EYA1: variants seen among roughly 807,000 people sequenced by gnomAD.
EYA1 encodes protein phosphatase EYA1.
EYA1 carries 16 observed loss-of-function variants against 82.0 expected under a neutral mutation model. The observed-to-expected ratio is 0.20, with a 90% CI of 0.13 to 0.30. EYA1 has a LOEUF of 0.30. Ranked by LOEUF, EYA1 falls within the 10% of genes least tolerant of loss-of-function variation. The pLI, the probability that EYA1 is intolerant of heterozygous loss-of-function variation, is 1.00. For missense variants in EYA1, 633 were observed against 730.7 expected (o/e 0.87, Z 1.54); for synonymous variants, 261 against 264.4 (o/e 0.99, Z 0.12).
intron 17 of EYA1, among the ~76,000 whole-genome samples, chr8:71,202,574 T>C (rs1807182566): frequency 6.6e-6 from 1 of 152,122 alleles, no homozygotes; most frequent in Non-Finnish European, 1.5e-5. Flanking sequence ...CTTCCTGTAG[T>C]ATATTACAGA....
In EYA1 at chr8:71,197,605, T is replaced by G. The variant is rs1806397851; in HGVS notation, c.*1735A>C. On this transcript the variant is annotated 3_prime_UTR_variant, in exon 18 of 18. Coordinates refer to ENST00000340726, the MANE Select transcript of EYA1 (RefSeq NM_000503.6). Reference sequence around the variant, plus strand: ...AATGAAAAGGTTAAAAATTGTCAACTGTTTGCTTCAAGCAAAAAGGAAGAA... The same window carrying G: ...AATGAAAAGGTTAAAAATTGTCAACGGTTTGCTTCAAGCAAAAAGGAAGAA... The G allele has an allele frequency of 6.6e-6, 1 of 152,578 alleles. No homozygotes were observed. The highest frequency in any genetic ancestry group is 2.1e-4 in the South Asian group (1 of 4,830). The allele number at this position is 152,578 out of a possible 1,614,324, so 9.5% of individuals were successfully genotyped here. A position where few individuals can be genotyped will look rare whatever the true frequency, so the allele number is the denominator to read the frequency against.
At position 71,523,832 on chromosome 8, in the gene EYA1, G is replaced by T. The variant is rs377048352; in HGVS notation, c.33+11912C>A. Among the ~76,000 whole-genome samples the T allele has an allele frequency of 1.8e-4, 27 of 152,204 alleles. No individual in the cohort carries two copies. In the East Asian group the frequency reaches 2.7e-3, roughly 15 times the overall value. ...TAAGAAACATGTATATCAATTTTGA[G>T]ATACCATATTTTAGAAAATTATCCT... On this transcript the variant is annotated intron_variant, in intron 2 of 18. Transcript: ENST00000643681.
chr8:71,269,296 G>C (rs138072448), intron 11 of EYA1, among the ~76,000 whole-genome samples: 4 of 152,300 alleles, frequency 2.6e-5, no homozygotes, highest in East Asian at 3.9e-4. Context: ...GGGACATATA[G>C]AGACATTTGT....
At chr8:71,423,322 G>A (rs1369437575) in intron 2 of EYA1, among the ~76,000 whole-genome samples, 2 of 152,060 alleles carry the variant, frequency 1.3e-5, no homozygotes, top group Non-Finnish European at 2.9e-5. Flanking sequence ...CAACAACAAC[G>A]GTACACATAG....
intron 6 of EYA1, among the ~76,000 whole-genome samples, chr8:71,321,230 T>G (rs1457068730): frequency 1.3e-5 from 2 of 152,162 alleles, no homozygotes; most frequent in African/African-American, 4.8e-5. Context: ...CAAAGTACAC[T>G]CCAGGCAGTG....
chr8:71,323,657 AGCCGGCCC>A (rs1217937332), intron 4 of EYA1, among the ~76,000 whole-genome samples: 2 of 152,218 alleles, frequency 1.3e-5, no homozygotes, highest in African/African-American at 4.8e-5. Context: ...AGAGATGGCA[AGCCGGCCC>A]AGCTGGTATA....
rs1267888988 is a variant in EYA1, at chr8:71,441,065, A to G, written c.34-84554T>C. Among the ~76,000 whole-genome samples the G allele has an allele frequency of 2.0e-5, 3 of 152,170 alleles. No individual in the cohort carries two copies. In the South Asian group the frequency reaches 6.2e-4, roughly 32 times the overall value. On this transcript the variant is annotated intron_variant, in intron 2 of 18. Transcript: ENST00000643681. ...AAAATAGACCCAAGTATATGTGCAC[A>G]AAGGAATGAAAAGAAACAAAGGCAA...
At chr8:71,402,067 G>A (rs983908616) in intron 2 of EYA1, among the ~76,000 whole-genome samples, 1 of 152,240 alleles carries the variant, frequency 6.6e-6, no homozygotes, top group Admixed American at 6.5e-5. Flanking sequence ...CCACCCTCAG[G>A]AACTTGAGTT....
At chr8:71,313,280 GCTC>G (rs1203099021) in intron 7 of EYA1, among the ~76,000 whole-genome samples, 1 of 151,876 alleles carries the variant, frequency 6.6e-6, no homozygotes, top group Non-Finnish European at 1.5e-5. Flanking sequence ...ATTACATCTG[GCTC>G]CTTTTTTGCT....
intron 2 of EYA1, among the ~76,000 whole-genome samples, chr8:71,429,734 T>G (rs538414842): frequency 6.6e-6 from 1 of 152,294 alleles, no homozygotes; most frequent in South Asian, 2.1e-4. Flanking sequence ...AAGGGACTTG[T>G]GTATTTCCAG....
chr8:71,468,642 A>G (rs1046300579), intron 2 of EYA1, among the ~76,000 whole-genome samples: 1 of 152,144 alleles, frequency 6.6e-6, no homozygotes, highest in African/African-American at 2.4e-5. Flanking sequence ...GCCCATAAAC[A>G]TTTCTTAATG....
chr8:71,456,169 A>C (rs1807884967), intron 2 of EYA1, among the ~76,000 whole-genome samples: 1 of 152,236 alleles, frequency 6.6e-6, no homozygotes, highest in African/African-American at 2.4e-5. Context: ...TGCTTCAAAG[A>C]GAATCAAATA....
intron 2 of EYA1, among the ~76,000 whole-genome samples, chr8:71,532,916 C>T (rs915145950): frequency 6.6e-6 from 1 of 152,154 alleles, no homozygotes; most frequent in East Asian, 1.9e-4. Context: ...AAGAATATAT[C>T]ATGGACACAA....
At chr8:71,459,059 T>G (rs1359349887) in intron 2 of EYA1, among the ~76,000 whole-genome samples, 4 of 152,128 alleles carry the variant, frequency 2.6e-5, no homozygotes, top group African/African-American at 9.7e-5. Flanking sequence ...ATAAAGAAAC[T>G]GGAGAAACAC....
chr8:71,496,804 C>T (rs986999027), intron 2 of EYA1, among the ~76,000 whole-genome samples: 1 of 151,998 alleles, frequency 6.6e-6, no homozygotes, highest in Admixed American at 6.5e-5. Context: ...CAGTCGATTA[C>T]CACCAATTAT....
At chr8:71,290,336 C>T (rs376829335) in intron 9 of EYA1, among the ~76,000 whole-genome samples, 14 of 152,074 alleles carry the variant, frequency 9.2e-5, no homozygotes, top group African/African-American at 1.9e-4. Context: ...AACTTAAATA[C>T]GAGAAATTAT....
Position 71,317,664 on chromosome 8 carries a change from A to T in EYA1, c.444T>A (p.Thr148=). 6.2e-7 allele frequency: 1 copy of T among 1,614,128 alleles called. No homozygotes were observed. Residue 148 remains threonine, a synonymous_variant, in exon 7 of 18, where the codon ACT becomes ACA. Transcript: ENST00000340726. ...SYGALWAGIK[T]EGGLSQSQSP... is the part of the protein sequence containing the mutation. ...ACTGAGACTGTGACAATCCACCTTCAGTCTTGATGCCTGCCCACAATGCAC... is the reference window on the plus strand; with the variant it reads ...ACTGAGACTGTGACAATCCACCTTCTGTCTTGATGCCTGCCCACAATGCAC...
intron 3 of EYA1, among the ~76,000 whole-genome samples, chr8:71,346,809 G>T (rs185416901): frequency 2.3e-4 from 35 of 152,128 alleles, no homozygotes; most frequent in African/African-American, 7.7e-4. Flanking sequence ...TGAAAAACAG[G>T]CTCTAGATAC....
intron 2 of EYA1, among the ~76,000 whole-genome samples, chr8:71,374,146 T>A (rs1203621285): frequency 5.3e-5 from 8 of 152,070 alleles, no homozygotes; most frequent in Admixed American, 5.2e-4. Flanking sequence ...GGGACTACAT[T>A]AAACTAAAGG....
Sources: gnomAD v4.1 joint callset for allele counts (sites outside exome capture counted in the v4.1 genomes callset) on GRCh38, gnomAD v4.1.1 for gene constraint, MANE v1.5 for transcripts, NCBI Gene and HGNC (gene_info 2026-07-23, HGNC 2026-07-21) for gene names.